Variants in GABRB3 observed in about 807,000 individuals in gnomAD.
GABRB3 encodes the protein gamma-aminobutyric acid receptor subunit beta-3.
GABRB3 carries 14 observed loss-of-function variants against 52.1 expected under a neutral mutation model. That is an observed-to-expected ratio of 0.27 (90% CI 0.18 to 0.42). GABRB3 has a LOEUF of 0.42. GABRB3 is among the 10% of genes least tolerant of loss of function. The pLI is 1.00. For missense variants in GABRB3, 307 were observed against 609.1 expected (o/e 0.50, Z 5.22); for synonymous variants, 260 against 232.3 (o/e 1.12, Z -1.08).
intron 3 of GABRB3, among the ~76,000 whole-genome samples, chr15:26,628,063 G>A (rs1476042387): frequency 6.6e-6 from 1 of 152,214 alleles, no homozygotes; most frequent in East Asian, 1.9e-4. Context: ...ACTCACTGAA[G>A]GCTCAGATGA....
intron 3 of GABRB3, among the ~76,000 whole-genome samples, chr15:26,670,357 G>A (rs1387513147): frequency 6.6e-6 from 1 of 152,190 alleles, no homozygotes; most frequent in Non-Finnish European, 1.5e-5. Flanking sequence ...ACCCGGTCCA[G>A]GCACTGCAGC....
At chr15:26,772,091 A>AG in intron 3 of GABRB3, 1 of 314,448 alleles carries the variant, frequency 3.2e-6, no homozygotes, top group Non-Finnish European at 5.7e-6. Flanking sequence ...AAACCTCGGG[A>AG]CCAGGCGACA....
chr15:26,692,245 T>C (rs1288261774), intron 3 of GABRB3, among the ~76,000 whole-genome samples: 2 of 152,198 alleles, frequency 1.3e-5, no homozygotes, highest in Non-Finnish European at 2.9e-5. Flanking sequence ...CTTTTCTGGT[T>C]TGTGGTTGTC....
chr15:26,656,543 A>G (rs1463440742), intron 3 of GABRB3, among the ~76,000 whole-genome samples: 1 of 152,218 alleles, frequency 6.6e-6, no homozygotes, highest in Middle Eastern at 3.2e-3. Flanking sequence ...CCTGTTAGGA[A>G]CTGGGCCACA....
At chr15:26,717,442 T>TG (rs1223763629) in intron 3 of GABRB3, among the ~76,000 whole-genome samples, 1 of 152,220 alleles carries the variant, frequency 6.6e-6, no homozygotes, top group Non-Finnish European at 1.5e-5. Context: ...GTGGACCATG[T>TG]GTAAAGCTAA....
At chr15:26,551,641 TC>T (rs1712775241) in intron 8 of GABRB3, among the ~76,000 whole-genome samples, 1 of 152,184 alleles carries the variant, frequency 6.6e-6, no homozygotes, top group African/African-American at 2.4e-5. Flanking sequence ...GTGCCATGAG[TC>T]CAGGTGGTGC....
chr15:26,734,258 C>T (rs994878965), intron 3 of GABRB3, among the ~76,000 whole-genome samples: 14 of 151,706 alleles, frequency 9.2e-5, no homozygotes, highest in Middle Eastern at 3.4e-3. Flanking sequence ...CTTGAACTCC[C>T]GACCTCAGGT....
At chr15:26,759,679 C>G (rs2140181668) in intron 3 of GABRB3, among the ~76,000 whole-genome samples, 1 of 152,348 alleles carries the variant, frequency 6.6e-6, no homozygotes, top group Middle Eastern at 3.4e-3. Flanking sequence ...ACTGACCACA[C>G]CCCTGTCCTC....
rs931071977 is a variant in GABRB3 at position 26,546,652 on chromosome 15, C to T, written c.*1141G>A. ...AAATTGAACAGTAGAAGTGTTTTAGCTTCAATCTTAATTTCTAGATAACAG... is the reference window on the plus strand; with the variant it reads ...AAATTGAACAGTAGAAGTGTTTTAGTTTCAATCTTAATTTCTAGATAACAG... On this transcript the variant is annotated 3_prime_UTR_variant, in exon 9 of 9. Transcript: ENST00000311550. 6.6e-6 allele frequency: 1 copy of T among 152,476 alleles called. No homozygotes were observed. The highest frequency in any genetic ancestry group is 2.4e-5 in the African/African-American group (1 of 41,404). The allele number at this position is 152,476 out of a possible 1,614,324, so 9.4% of individuals were successfully genotyped here.
rs574164166 is a variant in GABRB3, at chr15:26,754,884, C to G, written c.240+17518G>C. Among the ~76,000 whole-genome samples the G allele has an allele frequency of 8.7e-4, 133 of 152,182 alleles. 7 individuals are homozygous for G. The South Asian group carries it at 0.027, about 31-fold the overall frequency. ...CCACTGTGTCATGCACTCAAACACCCGAGGGGTCGAGGCTCGGCTCAGCCG... is the reference window on the plus strand; with the variant it reads ...CCACTGTGTCATGCACTCAAACACCGGAGGGGTCGAGGCTCGGCTCAGCCG... On this transcript the variant is annotated intron_variant, in intron 3 of 8. Transcript: ENST00000311550.
At chr15:26,554,021 T>TATATATATATATA (rs1555400757) in intron 8 of GABRB3, among the ~76,000 whole-genome samples, 4 of 23,684 alleles carry the variant, frequency 1.7e-4, no homozygotes, top group Admixed American at 5.1e-4. Flanking sequence ...ACCTGACTAT[T>TATATATATATATA]TATATATATA....
intron 3 of GABRB3, among the ~76,000 whole-genome samples, chr15:26,697,774 C>A (rs953091378): frequency 2.0e-5 from 3 of 152,116 alleles, no homozygotes; most frequent in Non-Finnish European, 4.4e-5. Context: ...GTAAATCCTG[C>A]AAGCCCTCAC....
intron 3 of GABRB3, among the ~76,000 whole-genome samples, chr15:26,677,164 C>G (rs1013412743): frequency 6.6e-6 from 1 of 152,150 alleles, no homozygotes; most frequent in Non-Finnish European, 1.5e-5. Context: ...TCCTTTAGAT[C>G]AAAAGGGCAG....
chr15:26,696,779 G>GA (rs1393552578), intron 3 of GABRB3, among the ~76,000 whole-genome samples: 2 of 152,068 alleles, frequency 1.3e-5, no homozygotes, highest in African/African-American at 4.8e-5. Context: ...CAGTACAATC[G>GA]AGAGTACCTG....
At chr15:26,722,578 G>C (rs772026480) in intron 3 of GABRB3, among the ~76,000 whole-genome samples, 1 of 152,176 alleles carries the variant, frequency 6.6e-6, no homozygotes, top group Non-Finnish European at 1.5e-5. Flanking sequence ...TTAATATTCA[G>C]TCCTCGTAAT....
At chr15:26,767,545 G>A (rs1366237014) in intron 3 of GABRB3, among the ~76,000 whole-genome samples, 1 of 152,150 alleles carries the variant, frequency 6.6e-6, no homozygotes, top group Admixed American at 6.5e-5. Flanking sequence ...AGGATTAAGT[G>A]ACTTGCCTGA....
intron 3 of GABRB3, among the ~76,000 whole-genome samples, chr15:26,644,146 C>T (rs779607959): frequency 6.6e-6 from 1 of 152,160 alleles, no homozygotes; most frequent in South Asian, 2.1e-4. Flanking sequence ...AGATTAGAGG[C>T]TCTGGTACAG....
intron 3 of GABRB3, chr15:26,658,668 TCATTCCTGCCAATACTGCCATATTATTTG>T (rs1316514119): frequency 6.6e-6 from 1 of 152,206 alleles, no homozygotes; most frequent in East Asian, 1.9e-4. Flanking sequence ...GATTCCTCCA[TCATTCCTGCCAATACTGCCATATTATTTG>T]CACGAGGTTC....
chr15:26,568,790 C>G (rs1260736119), intron 6 of GABRB3, among the ~76,000 whole-genome samples: 1 of 151,014 alleles, frequency 6.6e-6, no homozygotes, highest in Non-Finnish European at 1.5e-5. Flanking sequence ...GCTGGGATTA[C>G]AGGCATGAGC....
Sources: allele counts gnomAD v4.1 joint callset (sites outside exome capture counted in the v4.1 genomes callset), GRCh38; gene constraint gnomAD v4.1.1; transcripts MANE v1.5; gene names NCBI Gene and HGNC (gene_info 2026-07-23, HGNC 2026-07-21).